ARHGAP6: variants seen among roughly 807,000 people sequenced by gnomAD.
ARHGAP6 encodes the protein rho GTPase-activating protein 6.
ARHGAP6 carries 16 observed loss-of-function variants against 55.7 expected under a neutral mutation model. The observed-to-expected ratio is 0.29, with a 90% CI of 0.19 to 0.44. The LOEUF (loss-of-function observed/expected upper bound fraction) is 0.44, where lower values mean the gene tolerates loss of function less well. Ranked by LOEUF, ARHGAP6 falls within the 20% of genes least tolerant of loss-of-function variation. ARHGAP6 has a pLI of 1.00. For synonymous variants in ARHGAP6, 382 were observed against 360.9 expected (o/e 1.06, Z -0.66); for missense variants, 698 against 808.9 (o/e 0.86, Z 1.66).
At chrX:11,427,409 G>C in intron 1 of ARHGAP6, 1 of 772,268 alleles carries the variant, frequency 1.3e-6, no homozygotes, top group South Asian at 2.9e-5. Flanking sequence ...GTGGCACTTC[G>C]GGGTGACGTA....
intron 1 of ARHGAP6, among the ~76,000 whole-genome samples, chrX:11,500,399 C>G (rs942396644): frequency 3.8e-5 from 4 of 106,366 alleles, no homozygotes; most frequent in African/African-American, 1.4e-4. Context: ...CGGTGACTCA[C>G]GCTGTAATCC....
chrX:11,408,774 T>C (rs1374733275), intron 1 of ARHGAP6, among the ~76,000 whole-genome samples: 1 of 110,576 alleles, frequency 9.0e-6, no homozygotes, highest in Admixed American at 9.7e-5. Flanking sequence ...TTACAAGATA[T>C]CTGAGGGTGG....
At position 11,206,939 on chromosome X, in the gene ARHGAP6, T is replaced by C. The variant is rs988644097; in HGVS notation, c.749-9943A>G. Among the ~76,000 whole-genome samples, 4 of 112,018 alleles carry C rather than the reference T, an allele frequency of 3.6e-5. No homozygotes were observed. The South Asian group carries it at 1.5e-3, about 42-fold the overall frequency. On this transcript the variant is annotated intron_variant, in intron 2 of 12. Transcript: ENST00000337414. ...AAATGCCTGCCAGGTTTCTCTGTTT[T>C]GATAAACAGAATGACATTTAATTAA...
intron 1 of ARHGAP6, among the ~76,000 whole-genome samples, chrX:11,274,780 C>T (rs2047736289): frequency 9.0e-6 from 1 of 110,909 alleles, no homozygotes; most frequent in Admixed American, 9.6e-5. Flanking sequence ...CTCTCCCTCC[C>T]CCAACCCCAC....
Position 11,138,855 on chromosome X carries a change from G to T in ARHGAP6, c.*8C>A. ...CTCGGGGCAGGGGGGGCTCGGCTGG[G>T]TGCGGGCTCAGACCAGCGTCTCGGG... On this transcript the variant is annotated 3_prime_UTR_variant, in exon 13 of 13. Coordinates refer to ENST00000337414, the MANE Select transcript of ARHGAP6 (RefSeq NM_013427.3). 1 of 1,174,888 alleles carries T rather than the reference G, an allele frequency of 8.5e-7. No homozygotes were observed. Among genetic ancestry groups the T allele is most frequent in the Non-Finnish European group, 1.1e-6 (1 of 883,460 alleles).
chrX:11,439,109 C>T (rs145391612), intron 1 of ARHGAP6, among the ~76,000 whole-genome samples: 67 of 112,195 alleles, frequency 6.0e-4, no homozygotes, highest in African/African-American at 2.0e-3. Flanking sequence ...AGGAAAACAC[C>T]AGTGGGGGAA....
intron 1 of ARHGAP6, among the ~76,000 whole-genome samples, chrX:11,354,617 T>A (rs1164290600): frequency 9.1e-6 from 1 of 110,426 alleles, no homozygotes; most frequent in East Asian, 2.8e-4. Context: ...TCCATTACCA[T>A]GGAATCTGAC....
At chrX:11,371,690 C>T (rs1330121359) in intron 1 of ARHGAP6, among the ~76,000 whole-genome samples, 1 of 111,933 alleles carries the variant, frequency 8.9e-6, no homozygotes, top group Admixed American at 9.5e-5. Flanking sequence ...AAAGATAATG[C>T]CTAGTTTTAT....
chrX:11,431,056 A>T (rs1028758337), intron 1 of ARHGAP6, among the ~76,000 whole-genome samples: 1 of 112,811 alleles, frequency 8.9e-6, no homozygotes, highest in African/African-American at 3.2e-5. Context: ...AGAGATAAAA[A>T]GGCAGCAAGA....
At chrX:11,412,414 C>T (rs2147767359) in intron 1 of ARHGAP6, among the ~76,000 whole-genome samples, 1 of 112,152 alleles carries the variant, frequency 8.9e-6, no homozygotes, top group South Asian at 3.8e-4. Context: ...AAATTTGGAT[C>T]ATAAGCTGAA....
chrX:11,180,283 G>A (rs958170528), intron 6 of ARHGAP6, among the ~76,000 whole-genome samples: 1 of 111,294 alleles, frequency 9.0e-6, no homozygotes, highest in Admixed American at 9.6e-5. Context: ...GTTCTCTGCT[G>A]TAGAAATAAT....
intron 1 of ARHGAP6, chrX:11,297,991 C>A: frequency 1.3e-6 from 1 of 770,105 alleles, no homozygotes; most frequent in Non-Finnish European, 2.0e-6. Flanking sequence ...AGTAATAATA[C>A]TTGCCTCCTA....
At chrX:11,180,140 C>G (rs1360426701) in intron 6 of ARHGAP6, among the ~76,000 whole-genome samples, 1 of 111,167 alleles carries the variant, frequency 9.0e-6, no homozygotes, top group African/African-American at 3.3e-5. Context: ...TTAACAATTA[C>G]CAGAAGGATT....
At chrX:11,628,233 T>C (rs1416929311) in intron 1 of ARHGAP6, among the ~76,000 whole-genome samples, 1 of 112,133 alleles carries the variant, frequency 8.9e-6, no homozygotes, top group Non-Finnish European at 1.9e-5. Context: ...ATGGTTGACA[T>C]AGAGGAAAAT....
At chrX:11,421,858 T>C (rs1363530687) in intron 1 of ARHGAP6, among the ~76,000 whole-genome samples, 1 of 112,051 alleles carries the variant, frequency 8.9e-6, no homozygotes, top group African/African-American at 3.2e-5. Context: ...TCAGTGAAAC[T>C]GGAAAGCTAA....
Position 11,197,013 on chromosome X carries a change from G to A in ARHGAP6, c.749-17C>T, listed in dbSNP as rs771811084. ...TTTGTCCATCTGTAAATATTAAAAG[G>A]AGAAGTTATAAAGATAAACATATAA... On this transcript the variant is annotated splice_polypyrimidine_tract_variant and intron_variant, in intron 2 of 12. Transcript: ENST00000337414. 2.4e-6 allele frequency: 2 copies of A among 834,265 alleles called. No individual in the cohort carries two copies. Among genetic ancestry groups the A allele is most frequent in the African/African-American group, 4.0e-5 (2 of 50,064 alleles). The allele number at this position is 834,265 out of a possible 1,213,427, so 68.8% of individuals were successfully genotyped here.
At chrX:11,581,211 A>T (rs1358363137) in intron 1 of ARHGAP6, among the ~76,000 whole-genome samples, 2 of 112,395 alleles carry the variant, frequency 1.8e-5, no homozygotes, top group African/African-American at 6.5e-5. Context: ...AGGGACATGC[A>T]AATTAAAATC....
chrX:11,584,012 T>C (rs1284572045), intron 1 of ARHGAP6, among the ~76,000 whole-genome samples: 2 of 111,874 alleles, frequency 1.8e-5, no homozygotes, highest in African/African-American at 6.5e-5. Context: ...AAGCCTTAAA[T>C]ACGGAAAAGG....
intron 10 of ARHGAP6, among the ~76,000 whole-genome samples, chrX:11,151,924 A>G (rs1286928111): frequency 1.8e-5 from 2 of 112,127 alleles, no homozygotes; most frequent in Admixed American, 9.5e-5. Context: ...ACACAATGCT[A>G]TAACTTAAAG....
Sources: gnomAD v4.1 joint callset for allele counts (sites outside exome capture counted in the v4.1 genomes callset) on GRCh38, gnomAD v4.1.1 for gene constraint, MANE v1.5 for transcripts, NCBI Gene and HGNC (gene_info 2026-07-23, HGNC 2026-07-21) for gene names.